IKZF2: variants seen among roughly 807,000 people sequenced by gnomAD.
IKZF2 encodes IKAROS family zinc finger 2.
A neutral mutation model predicts 49.2 loss-of-function variants in IKZF2; 15 were observed. That is an observed-to-expected ratio of 0.30 (90% CI 0.20 to 0.47). IKZF2 has a LOEUF of 0.47. Among genes scored for constraint, IKZF2 ranks in the 20% least tolerant of loss-of-function variants. The probability of loss-of-function intolerance (pLI) is 1.00; values close to 1 mark genes in which losing one functional copy is unlikely to be tolerated. For missense variants in IKZF2, 567 were observed against 664.6 expected (o/e 0.85, Z 1.61); for synonymous variants, 227 against 221.4 (o/e 1.03, Z -0.23).
chr2:213,117,484 A>C (rs1321268822), intron 4 of IKZF2, among the ~76,000 whole-genome samples: 2 of 152,206 alleles, frequency 1.3e-5, no homozygotes. Flanking sequence ...GAATTTAATC[A>C]GTAGTTATTG....
At chr2:213,135,640 G>A (rs1574967489) in intron 4 of IKZF2, among the ~76,000 whole-genome samples, 1 of 151,166 alleles carries the variant, frequency 6.6e-6, no homozygotes, top group East Asian at 1.9e-4. Flanking sequence ...AGCTATAATC[G>A]TGACACCGTA....
chr2:213,044,886 G>A (rs1700006954), intron 6 of IKZF2, among the ~76,000 whole-genome samples: 1 of 152,046 alleles, frequency 6.6e-6, no homozygotes, highest in South Asian at 2.1e-4. Flanking sequence ...TTGGTAGTGG[G>A]GCAATGATGA....
intron 8 of IKZF2, among the ~76,000 whole-genome samples, chr2:213,011,399 G>A (rs1008477975): frequency 9.2e-5 from 14 of 151,900 alleles, no homozygotes; most frequent in African/African-American, 3.4e-4. Context: ...AAATAATAGC[G>A]TGAGGTATCT....
intron 4 of IKZF2, among the ~76,000 whole-genome samples, chr2:213,065,886 CTGATA>C: frequency 6.6e-6 from 1 of 152,150 alleles, no homozygotes; most frequent in Non-Finnish European, 1.5e-5. Flanking sequence ...TGTATACAAT[CTGATA>C]TGTTTTTTAC....
intron 7 of IKZF2, among the ~76,000 whole-genome samples, chr2:213,019,673 C>T (rs1203981750): frequency 1.3e-5 from 2 of 152,146 alleles, no homozygotes; most frequent in Admixed American, 1.3e-4. Context: ...AGAAGCTACC[C>T]TCAATCCCTT....
intron 6 of IKZF2, among the ~76,000 whole-genome samples, chr2:213,026,233 C>T (rs1697804577): frequency 6.6e-6 from 1 of 152,036 alleles, no homozygotes; most frequent in African/African-American, 2.4e-5. Flanking sequence ...TCTTGAAATC[C>T]TCCACATCCC....
chr2:213,149,106 A>G (rs1191826568), intron 2 of IKZF2, among the ~76,000 whole-genome samples: 1 of 152,186 alleles, frequency 6.6e-6, no homozygotes, highest in Non-Finnish European at 1.5e-5. Flanking sequence ...AGGACAAACA[A>G]ACATAAGAAA....
intron 4 of IKZF2, among the ~76,000 whole-genome samples, chr2:213,113,837 T>C (rs2059790083): frequency 6.6e-6 from 1 of 152,152 alleles, no homozygotes; most frequent in Non-Finnish European, 1.5e-5. Flanking sequence ...TTGGCATCTA[T>C]TGAGCAAGGA....
intron 4 of IKZF2, among the ~76,000 whole-genome samples, chr2:213,146,763 G>GGGGGC (rs1553604936): frequency 1.5e-5 from 2 of 133,280 alleles, no homozygotes; most frequent in Non-Finnish European, 3.3e-5. Context: ...AATCTTCGGG[G>GGGGGC]GGGGGGAAGG....
At chr2:213,013,292 T>C (rs67078277) in intron 8 of IKZF2, among the ~76,000 whole-genome samples, 34,743 of 151,790 alleles carry the variant, frequency 0.23, 4,399 homozygotes, top group Non-Finnish European at 0.27. Flanking sequence ...GGTTGAAATT[T>C]TGTTTTAATT....
rs1362258300 is a variant in IKZF2, at chr2:213,003,289, G to A, written c.*4071C>T. On this transcript the variant is annotated 3_prime_UTR_variant, in exon 9 of 9. Coordinates refer to ENST00000434687, the MANE Select transcript of IKZF2 (RefSeq NM_001387220.1). ...ATATTTTAATTATTTTGCAGAAACT[G>A]GAGAATTAAAAATATGTCTAAGATA... 6.6e-6 allele frequency: 1 copy of A among 151,920 alleles called. No individual in the cohort carries two copies. Among genetic ancestry groups the A allele is most frequent in the Non-Finnish European group, 1.5e-5 (1 of 67,650 alleles). 9.4% of individuals were successfully genotyped at this position (151,920 alleles called of 1,614,324 possible).
chr2:213,122,225 A>T (rs1029763523), intron 4 of IKZF2, among the ~76,000 whole-genome samples: 1 of 152,242 alleles, frequency 6.6e-6, no homozygotes, highest in Non-Finnish European at 1.5e-5. Flanking sequence ...CAGTTCAGTC[A>T]CGTTCTTCTA....
At chr2:213,141,491 C>T (rs1345704767) in intron 4 of IKZF2, among the ~76,000 whole-genome samples, 1 of 151,916 alleles carries the variant, frequency 6.6e-6, no homozygotes, top group East Asian at 1.9e-4. Flanking sequence ...TCCTAGACTC[C>T]AACTTTATAG....
Position 213,125,215 on chromosome 2 carries a change from A to C in IKZF2, c.139+22493T>G, listed in dbSNP as rs191397412. 6.7e-3 allele frequency among the ~76,000 whole-genome samples: 1,022 copies of C among 152,284 alleles called. 11 individuals carry two copies. The highest frequency in any genetic ancestry group is 0.023 in the African/African-American group (974 of 41,554). On this transcript the variant is annotated intron_variant, in intron 4 of 8. Transcript: ENST00000434687. ...CATTTGAAAATTTCTACTTAACATC[A>C]AATCATCCATTCCCTGCCATTATCC... is the stretch of plus-strand genomic sequence containing the variant.
At chr2:213,151,727 CGGCGGCGGCGGCGGCGGGCGGCTGG>C (rs1185665505), upstream of IKZF2, 2 of 146,118 alleles carry the variant, frequency 1.4e-5, no homozygotes, top group Non-Finnish European at 3.0e-5. Context: ...GCGGCGGCTG[CGGCGGCGGCGGCGGCGGGCGGCTGG>C]CGGCGGGCAG....
intron 4 of IKZF2, among the ~76,000 whole-genome samples, chr2:213,064,374 C>A (rs1419504547): frequency 1.3e-5 from 2 of 151,884 alleles, no homozygotes; most frequent in African/African-American, 2.4e-5. Context: ...TTAAACAGAT[C>A]TTGGCAACAA....
intron 4 of IKZF2, among the ~76,000 whole-genome samples, chr2:213,068,912 AACAC>A (rs3069572): frequency 0.11 from 15,879 of 147,190 alleles, 1,677 homozygotes; most frequent in African/African-American, 0.28. Flanking sequence ...GGAGGGAGAA[AACAC>A]ACACACACAC....
At chr2:213,016,374 C>A (rs1418890934) in intron 7 of IKZF2, among the ~76,000 whole-genome samples, 2 of 152,068 alleles carry the variant, frequency 1.3e-5, no homozygotes, top group Non-Finnish European at 2.9e-5. Flanking sequence ...CTATACTACT[C>A]TTTGTAGAGG....
intron 6 of IKZF2, among the ~76,000 whole-genome samples, chr2:213,035,699 G>A (rs1411082139): frequency 1.3e-5 from 2 of 152,188 alleles, no homozygotes; most frequent in Admixed American, 6.5e-5. Flanking sequence ...CCCAGAGTGA[G>A]GCGTAAAGTA....
Sources: allele counts gnomAD v4.1 joint callset (sites outside exome capture counted in the v4.1 genomes callset), GRCh38; gene constraint gnomAD v4.1.1; transcripts MANE v1.5; gene names NCBI Gene and HGNC (gene_info 2026-07-23, HGNC 2026-07-21).